MGAT5: variants seen among roughly 807,000 people sequenced by gnomAD.
MGAT5 encodes alpha-1,6-mannosylglycoprotein 6-beta-N-acetylglucosaminyltransferase.
A neutral mutation model predicts 94.3 loss-of-function variants in MGAT5; 30 were observed. The ratio of observed to expected loss-of-function variants is 0.32; its 90% CI spans 0.24 to 0.43. MGAT5 has a LOEUF of 0.43. Ranked by LOEUF, MGAT5 falls within the 20% of genes least tolerant of loss-of-function variation. MGAT5 has a pLI of 1.00. For synonymous variants in MGAT5, 310 were observed against 322.9 expected (o/e 0.96, Z 0.43); for missense variants, 691 against 905.5 (o/e 0.76, Z 3.04).
At chr2:134,402,656 A>G (rs1007813109) in intron 10 of MGAT5, among the ~76,000 whole-genome samples, 2 of 152,202 alleles carry the variant, frequency 1.3e-5, no homozygotes, top group African/African-American at 4.8e-5. Context: ...GTCTGTGGTA[A>G]TTTACAAAGC....
chr2:134,160,687 G>C (rs1687692444), intron 1 of MGAT5, among the ~76,000 whole-genome samples: 1 of 152,240 alleles, frequency 6.6e-6, no homozygotes, highest in African/African-American at 2.4e-5. Context: ...GTGGAGAGTA[G>C]CTACAGGTGT....
intron 4 of MGAT5, among the ~76,000 whole-genome samples, chr2:134,333,540 T>A (rs1688130324): frequency 6.6e-6 from 1 of 151,750 alleles, no homozygotes; most frequent in Non-Finnish European, 1.5e-5. Flanking sequence ...CATATGTACC[T>A]AACCTGCACA....
intron 9 of MGAT5, among the ~76,000 whole-genome samples, chr2:134,353,197 C>T (rs1679500382): frequency 6.6e-6 from 1 of 151,636 alleles, no homozygotes; most frequent in Non-Finnish European, 1.5e-5. Flanking sequence ...TGTTTTTTAC[C>T]ACAATAAAAA....
upstream of MGAT5, among the ~76,000 whole-genome samples, chr2:134,251,328 C>A (rs1001499127): frequency 6.6e-6 from 1 of 152,150 alleles, no homozygotes; most frequent in African/African-American, 2.4e-5. Context: ...GCCTGATGGC[C>A]GCTCATGCTC....
intron 10 of MGAT5, among the ~76,000 whole-genome samples, chr2:134,390,897 C>T (rs943184195): frequency 7.2e-5 from 11 of 152,306 alleles, no homozygotes; most frequent in African/African-American, 2.4e-4. Context: ...ACTGGATAAA[C>T]GTCTCTTCTT....
intron 1 of MGAT5, among the ~76,000 whole-genome samples, chr2:134,131,480 A>T (rs1012810020): frequency 6.6e-6 from 1 of 152,138 alleles, no homozygotes; most frequent in Non-Finnish European, 1.5e-5. Context: ...ACAGTGAGAA[A>T]TGGTAATGGA....
At chr2:134,141,634 G>A (rs1484891726) in intron 1 of MGAT5, among the ~76,000 whole-genome samples, 2 of 152,134 alleles carry the variant, frequency 1.3e-5, no homozygotes, top group African/African-American at 4.8e-5. Context: ...GGCAGGGAGG[G>A]GGCTTAGTCC....
intron 14 of MGAT5, among the ~76,000 whole-genome samples, chr2:134,439,364 G>A (rs1685347500): frequency 6.6e-6 from 1 of 152,152 alleles, no homozygotes; most frequent in South Asian, 2.1e-4. Context: ...CCTTCGGTGG[G>A]TTTTGCTTTG....
At chr2:134,408,718 T>C (rs1267523317) in intron 11 of MGAT5, among the ~76,000 whole-genome samples, 2 of 152,190 alleles carry the variant, frequency 1.3e-5, no homozygotes, top group African/African-American at 4.8e-5. Context: ...AAGCATCAGG[T>C]ACCTGAAAGA....
At chr2:134,232,496 A>G (rs1316635627) in intron 1 of MGAT5, among the ~76,000 whole-genome samples, 1 of 152,202 alleles carries the variant, frequency 6.6e-6, no homozygotes, top group Non-Finnish European at 1.5e-5. Context: ...AATCTCCCCA[A>G]ACAGGATGAT....
chr2:134,386,919 C>A (rs927342732), intron 10 of MGAT5, among the ~76,000 whole-genome samples: 4 of 151,938 alleles, frequency 2.6e-5, no homozygotes, highest in Non-Finnish European at 5.9e-5. Context: ...TAGAAAATAA[C>A]AAAATGTTAA....
chr2:134,436,830 C>T (rs1309134893), intron 14 of MGAT5, among the ~76,000 whole-genome samples: 4 of 152,216 alleles, frequency 2.6e-5, no homozygotes, highest in Non-Finnish European at 5.9e-5. Context: ...TCTTTGCAGA[C>T]AAGCAGGAGA....
Position 134,254,130 on chromosome 2 carries a change from T to C in MGAT5, c.-274T>C. On this transcript the variant is annotated 5_prime_UTR_variant, in exon 1 of 16. Transcript: ENST00000281923. ...TTCCCCTCAGCTTACAGTTCCTGAA[T>C]CATAAGATATTGAACCAGCAAATTT... 1 of 572,650 alleles carries C rather than the reference T, an allele frequency of 1.7e-6. No homozygotes were observed. The highest frequency in any genetic ancestry group is 3.1e-6 in the Non-Finnish European group (1 of 324,866). 35.5% of individuals were successfully genotyped at this position (572,650 alleles called of 1,614,324 possible). A position where few individuals can be genotyped will look rare whatever the true frequency, so the allele number is the denominator to read the frequency against.
At chr2:134,329,592 C>T (rs541130479) in intron 4 of MGAT5, among the ~76,000 whole-genome samples, 1 of 152,094 alleles carries the variant, frequency 6.6e-6, no homozygotes, top group South Asian at 2.1e-4. Context: ...CATATCAGCT[C>T]TGGGGCAAGA....
chr2:134,206,070 G>A (rs535724529), intron 1 of MGAT5, among the ~76,000 whole-genome samples: 1 of 152,288 alleles, frequency 6.6e-6, no homozygotes, highest in Admixed American at 6.5e-5. Flanking sequence ...TTTGTGATAG[G>A]GATTATTGGC....
intron 2 of MGAT5, among the ~76,000 whole-genome samples, chr2:134,314,088 T>C (rs1395068390): frequency 6.6e-6 from 1 of 152,192 alleles, no homozygotes; most frequent in African/African-American, 2.4e-5. Flanking sequence ...TTATGAGCTA[T>C]GGTGTGATGG....
chr2:134,450,230 A>AGACCCCTTCTGCCTAATGTGAGC lies in MGAT5; in HGVS notation c.*1385_*1407dup, dbSNP rs1686028770. 1 of 152,316 alleles carries AGACCCCTTCTGCCTAATGTGAGC rather than the reference A, an allele frequency of 6.6e-6. No homozygotes were observed. Among genetic ancestry groups the AGACCCCTTCTGCCTAATGTGAGC allele is most frequent in the African/African-American group, 2.4e-5 (1 of 41,454 alleles). The allele number at this position is 152,316 out of a possible 1,614,324, so 9.4% of individuals were successfully genotyped here. A position where few individuals can be genotyped will look rare whatever the true frequency, so the allele number is the denominator to read the frequency against. On this transcript the variant is annotated 3_prime_UTR_variant, in exon 16 of 16. Coordinates refer to ENST00000281923, the MANE Select transcript of MGAT5 (RefSeq NM_002410.5). ...TGACATCTCCATGCTGATGCAAGTGAGACCCCTTCTGCCTAATGTGAGCGG... is the reference window on the plus strand; with the variant it reads ...TGACATCTCCATGCTGATGCAAGTGAGACCCCTTCTGCCTAATGTGAGCGACCCCTTCTGCCTAATGTGAGCGG...
At chr2:134,249,710 T>G (rs550341391), upstream of MGAT5, among the ~76,000 whole-genome samples, 13 of 152,272 alleles carry the variant, frequency 8.5e-5, no homozygotes, top group African/African-American at 2.9e-4. Context: ...GTATGGATAC[T>G]GCTGCTGAGT....
At chr2:134,128,225 GAGAAAGAGAA>G (rs1685944218) in intron 1 of MGAT5, among the ~76,000 whole-genome samples, 1 of 151,206 alleles carries the variant, frequency 6.6e-6, no homozygotes, top group African/African-American at 2.4e-5. Flanking sequence ...AAAAAAAAGA[GAGAAAGAGAA>G]GGAGAGAATG....
Sources: gnomAD v4.1 joint callset for allele counts (sites outside exome capture counted in the v4.1 genomes callset) on GRCh38, gnomAD v4.1.1 for gene constraint, MANE v1.5 for transcripts, NCBI Gene and HGNC (gene_info 2026-07-23, HGNC 2026-07-21) for gene names.